Variants in DRC11 observed in about 807,000 individuals in gnomAD.
DRC11 encodes the protein IQ and AAA domain-containing protein 1.
the DRC11 span, among the ~76,000 whole-genome samples, chr2:236,501,393 C>T: frequency 6.6e-6 from 1 of 152,114 alleles, no homozygotes; most frequent in South Asian, 2.1e-4. Context: ...GACTAATAAA[C>T]AATTACACTG....
the DRC11 span, among the ~76,000 whole-genome samples, chr2:236,460,437 C>T: frequency 2.6e-5 from 4 of 152,186 alleles, no homozygotes; most frequent in East Asian, 3.9e-4. This position sits in a 1 kb window ranked among gnomAD's most constrained non-coding sequence, Gnocchi z 4.0. Flanking sequence ...CTCACATCCA[C>T]GGCCAGCCCC....
At chr2:236,380,491 G>A in the DRC11 span, 12 of 1,114,226 alleles carry the variant, frequency 1.1e-5, no homozygotes, top group East Asian at 2.6e-5. The surrounding 1 kb of genome is among the most constrained non-coding windows in gnomAD (Gnocchi z 4.9). Flanking sequence ...GCATCACAGA[G>A]GGGGCGTACT....
the DRC11 span, among the ~76,000 whole-genome samples, chr2:236,416,039 G>A: frequency 6.6e-6 from 1 of 152,130 alleles, no homozygotes. Flanking sequence ...GAACAATAGG[G>A]CCCTAGGTGG....
the DRC11 span, among the ~76,000 whole-genome samples, chr2:236,435,073 T>A: frequency 1.3e-5 from 2 of 152,066 alleles, no homozygotes; most frequent in African/African-American, 4.8e-5. Context: ...GATGGAGAAG[T>A]GAAGAAAGAG....
the DRC11 span, among the ~76,000 whole-genome samples, chr2:236,492,779 G>A: frequency 5.3e-3 from 812 of 152,326 alleles, 10 homozygotes; most frequent in African/African-American, 0.018. Flanking sequence ...CTGCATGGGG[G>A]ATGACTGCAA....
the DRC11 span, among the ~76,000 whole-genome samples, chr2:236,473,135 T>C: frequency 6.6e-6 from 1 of 152,218 alleles, no homozygotes; most frequent in Non-Finnish European, 1.5e-5. This position sits in a 1 kb window ranked among gnomAD's most constrained non-coding sequence, Gnocchi z 4.8. Flanking sequence ...TGATGAATAA[T>C]GCACATGACC....
At chr2:236,393,997 G>A in the DRC11 span, among the ~76,000 whole-genome samples, 133 of 152,148 alleles carry the variant, frequency 8.7e-4, 1 homozygote, top group African/African-American at 3.1e-3. This position sits in a 1 kb window ranked among gnomAD's most constrained non-coding sequence, Gnocchi z 4.7. Context: ...ATATAAAGTT[G>A]TATGAATAAA....
chr2:236,473,823 G>A, the DRC11 span, among the ~76,000 whole-genome samples: 3 of 151,752 alleles, frequency 2.0e-5, no homozygotes, highest in Non-Finnish European at 4.4e-5. The surrounding 1 kb of genome is among the most constrained non-coding windows in gnomAD (Gnocchi z 4.8). Flanking sequence ...AGAAACATTC[G>A]GTCAGGAATT....
At chr2:236,507,122 A>G in the DRC11 span, 2 of 820,414 alleles carry the variant, frequency 2.4e-6, no homozygotes, top group Admixed American at 4.9e-5. Flanking sequence ...AAAGGAAAAA[A>G]AGTGGGGGAG....
chr2:236,390,908 C>T, the DRC11 span, among the ~76,000 whole-genome samples: 1 of 152,212 alleles, frequency 6.6e-6, no homozygotes, highest in Non-Finnish European at 1.5e-5. The surrounding 1 kb of genome is among the most constrained non-coding windows in gnomAD (Gnocchi z 5.9). Context: ...TTCTCTGTCC[C>T]TTTCTTCCAA....
the DRC11 span, chr2:236,503,616 T>C: frequency 6.5e-7 from 1 of 1,548,450 alleles, no homozygotes; most frequent in Non-Finnish European, 8.7e-7. The surrounding 1 kb of genome is among the most constrained non-coding windows in gnomAD (Gnocchi z 4.9). Context: ...AGCACACGGA[T>C]CCCTGCATCA....
the DRC11 span, among the ~76,000 whole-genome samples, chr2:236,415,245 G>A: frequency 6.6e-6 from 1 of 152,084 alleles, no homozygotes; most frequent in African/African-American, 2.4e-5. The surrounding 1 kb of genome is among the most constrained non-coding windows in gnomAD (Gnocchi z 5.7). Flanking sequence ...ATATAGAACT[G>A]GCAATTGATA....
chr2:236,419,135 T>C, the DRC11 span: 2 of 1,513,520 alleles, frequency 1.3e-6, no homozygotes, highest in East Asian at 2.5e-5. This position sits in a 1 kb window ranked among gnomAD's most constrained non-coding sequence, Gnocchi z 4.8. Flanking sequence ...TAAAATTTCA[T>C]ACAAATATTT....
the DRC11 span, among the ~76,000 whole-genome samples, chr2:236,461,098 T>C: frequency 9.1e-4 from 138 of 152,320 alleles, 1 homozygote; most frequent in African/African-American, 3.2e-3. This position sits in a 1 kb window ranked among gnomAD's most constrained non-coding sequence, Gnocchi z 4.0. Flanking sequence ...TGTGAATATA[T>C]ACAATACATA....
chr2:236,344,677 T>C, the DRC11 span: 1 of 1,494,636 alleles, frequency 6.7e-7, no homozygotes, highest in Non-Finnish European at 9.3e-7. Flanking sequence ...TGGTTGTAAA[T>C]GCACTTCCCT....
the DRC11 span, among the ~76,000 whole-genome samples, chr2:236,437,847 T>C: frequency 6.7e-6 from 1 of 149,930 alleles, no homozygotes; most frequent in Non-Finnish European, 1.5e-5. Flanking sequence ...TATTAGCCCT[T>C]TGTCAGATGA....
At chr2:236,439,296 G>T in the DRC11 span, among the ~76,000 whole-genome samples, 3 of 152,128 alleles carry the variant, frequency 2.0e-5, no homozygotes, top group South Asian at 4.1e-4. Flanking sequence ...TTTTTGAAAG[G>T]ATCAACAAAA....
chr2:236,488,056 T>C, the DRC11 span: 2 of 1,606,312 alleles, frequency 1.2e-6, no homozygotes, highest in Non-Finnish European at 1.7e-6. Context: ...CCAAGCATCT[T>C]GGATTGCTTT....
chr2:236,432,350 T>C, the DRC11 span, among the ~76,000 whole-genome samples: 29 of 152,154 alleles, frequency 1.9e-4, no homozygotes, highest in Non-Finnish European at 3.7e-4. Context: ...ATTCTGTAAA[T>C]ATTTTCTCCC....
Sources: gnomAD v4.1 joint callset for allele counts (sites outside exome capture counted in the v4.1 genomes callset) on GRCh38, gnomAD v4.1.1 for gene constraint, Gnocchi (gnomAD v3.1) non-coding constraint, MANE v1.5 for transcripts, NCBI Gene and HGNC (gene_info 2026-07-23, HGNC 2026-07-21) for gene names.